Variants in ANO4 observed in about 807,000 individuals in gnomAD.
ANO4 encodes anoctamin-4.
ANO4 carries 69 observed loss-of-function variants against 141.9 expected under a neutral mutation model. The observed-to-expected ratio is 0.49, with a 90% confidence interval of 0.40 to 0.59. ANO4 has a LOEUF of 0.59. ANO4 is among the 20% of genes least tolerant of loss of function. The pLI is 0.00. For missense variants in ANO4, 894 were observed against 1,162.2 expected (o/e 0.77, Z 3.36); for synonymous variants, 350 against 394.3 (o/e 0.89, Z 1.33).
chr12:100,967,146 T>C (rs1419741007), intron 5 of ANO4, among the ~76,000 whole-genome samples: 3 of 152,148 alleles, frequency 2.0e-5, no homozygotes, highest in Non-Finnish European at 4.4e-5. Flanking sequence ...TCGTTAATTT[T>C]CTCAGTCATT....
chr12:100,812,453 AAT>A (rs2035497903), intron 1 of ANO4, among the ~76,000 whole-genome samples: 1 of 151,556 alleles, frequency 6.6e-6, no homozygotes. Flanking sequence ...ATAAAACTCC[AAT>A]ATGTTTGTAT....
intron 7 of ANO4, among the ~76,000 whole-genome samples, chr12:100,982,321 G>A (rs2044503888): frequency 6.6e-6 from 1 of 152,142 alleles, no homozygotes; most frequent in African/African-American, 2.4e-5. Context: ...ATTGGTGGAG[G>A]CTTCATTAAG....
chr12:101,089,007 TC>T (rs1234546519), intron 17 of ANO4, among the ~76,000 whole-genome samples: 1 of 152,120 alleles, frequency 6.6e-6, no homozygotes, highest in Non-Finnish European at 1.5e-5. Context: ...TAATTATAGT[TC>T]CCCTATCCTT....
rs570835272 is a variant in ANO4, at chr12:100,849,877, G to A, written c.-140-51769G>A. On this transcript the variant is annotated intron_variant, in intron 1 of 27. Coordinates refer to ENST00000392977, the MANE Select transcript of ANO4 (RefSeq NM_001286615.2). ...AAATACCTGGGACCTTGTGGGCTCCGGATCAATTGTTCTGTTAATTGTCAC... is the reference window on the plus strand; with the variant it reads ...AAATACCTGGGACCTTGTGGGCTCCAGATCAATTGTTCTGTTAATTGTCAC... 2.6e-5 allele frequency among the ~76,000 whole-genome samples: 4 copies of A among 152,016 alleles called. No individual in the cohort carries two copies. In the East Asian group the frequency reaches 5.8e-4, roughly 22 times the overall value.
rs569733726 is a variant in ANO4 at position 100,817,160 on chromosome 12, A to G, written c.-141+22133A>G. On this transcript the variant is annotated intron_variant, in intron 1 of 27. Coordinates refer to ENST00000392977, the MANE Select transcript of ANO4 (RefSeq NM_001286615.2). ...TTATATAATTCCTTAAGTATATGCTATGTAGATCTTTCAACATATATATTA... is the reference window on the plus strand; with the variant it reads ...TTATATAATTCCTTAAGTATATGCTGTGTAGATCTTTCAACATATATATTA... Among the ~76,000 whole-genome samples the G allele has an allele frequency of 2.2e-4, 34 of 151,788 alleles. 1 individual carries two copies. Among genetic ancestry groups the G allele is most frequent in the African/African-American group, 7.7e-4 (32 of 41,448 alleles).
At chr12:100,733,988 CA>C in intron 2 of ANO4, 1 of 579,218 alleles carries the variant, frequency 1.7e-6, no homozygotes, top group South Asian at 2.2e-5. Flanking sequence ...AGAATCAGAG[CA>C]ATTGCTTGTG....
At chr12:100,919,724 G>GTA (rs1566010389) in intron 2 of ANO4, among the ~76,000 whole-genome samples, 36 of 120,814 alleles carry the variant, frequency 3.0e-4, no homozygotes, top group African/African-American at 1.0e-3. Context: ...ATGTATGTAT[G>GTA]TGTGTATGTA....
intron 1 of ANO4, among the ~76,000 whole-genome samples, chr12:100,718,706 G>GT (rs2030723876): frequency 6.6e-6 from 1 of 152,114 alleles, no homozygotes; most frequent in East Asian, 1.9e-4. Flanking sequence ...CTGGTGGCCT[G>GT]TTTTTTCTTT....
chr12:100,898,808 C>G (rs918311715), intron 1 of ANO4, among the ~76,000 whole-genome samples: 1 of 152,174 alleles, frequency 6.6e-6, no homozygotes, highest in Non-Finnish European at 1.5e-5. Flanking sequence ...GGAGAGCAGT[C>G]TATTTCATAT....
At chr12:101,062,470 G>A (rs920077684) in intron 14 of ANO4, among the ~76,000 whole-genome samples, 1 of 152,218 alleles carries the variant, frequency 6.6e-6, no homozygotes, top group Non-Finnish European at 1.5e-5. Context: ...TACGTCTGCT[G>A]AAGCTGCCCC....
chr12:100,930,891 C>G (rs760436747), intron 3 of ANO4, among the ~76,000 whole-genome samples: 1 of 152,100 alleles, frequency 6.6e-6, no homozygotes, highest in Non-Finnish European at 1.5e-5. Flanking sequence ...GAGCCTTGCC[C>G]GCTCAGTTGT....
intron 8 of ANO4, among the ~76,000 whole-genome samples, chr12:101,007,816 C>T (rs1292617998): frequency 2.0e-5 from 3 of 152,130 alleles, no homozygotes; most frequent in Non-Finnish European, 4.4e-5. Flanking sequence ...AAATCCTGGG[C>T]TCAAGCAGTC....
chr12:101,045,657 G>C (rs920257063), intron 13 of ANO4, among the ~76,000 whole-genome samples: 3 of 152,128 alleles, frequency 2.0e-5, no homozygotes, highest in African/African-American at 7.2e-5. Flanking sequence ...ACTCCTACTG[G>C]CTTAGTCAGA....
At chr12:101,031,385 GC>G (rs1392591197) in intron 9 of ANO4, among the ~76,000 whole-genome samples, 1 of 152,030 alleles carries the variant, frequency 6.6e-6, no homozygotes, top group Non-Finnish European at 1.5e-5. Context: ...AAATTCAACA[GC>G]CCTTCATGCT....
At chr12:100,828,524 TA>T (rs1314005921) in intron 1 of ANO4, among the ~76,000 whole-genome samples, 1 of 152,190 alleles carries the variant, frequency 6.6e-6, no homozygotes, top group Non-Finnish European at 1.5e-5. Context: ...TATTTACACG[TA>T]TGAGTCCCTA....
Position 101,079,233 on chromosome 12 carries a change from A to G in ANO4, c.1353A>G (p.Val451=). The G allele has an allele frequency of 6.2e-7, 1 of 1,614,014 alleles. No individual in the cohort carries two copies. Among genetic ancestry groups the G allele is most frequent in the Non-Finnish European group, 8.5e-7 (1 of 1,179,940 alleles). The change falls in exon 15 of 28, where the codon GTA becomes GTG. Residue 451 remains valine, a synonymous_variant. Coordinates refer to ENST00000392977, the MANE Select transcript of ANO4 (RefSeq NM_001286615.2). ...FLEFWKRRRA[V]IAYDWDLIDW... is the part of the protein sequence containing the mutation. ...AGTTTTGGAAAAGACGGCGAGCAGT[A>G]ATTGCTTATGACTGGGATTTGATAG... is the stretch of plus-strand genomic sequence containing the variant.
rs140823781 is a variant in ANO4, at chr12:101,068,693, A to T, written c.1313-10500A>T. On this transcript the variant is annotated intron_variant, in intron 14 of 27. Coordinates refer to ENST00000392977, the MANE Select transcript of ANO4 (RefSeq NM_001286615.2). The stretch of plus-strand genomic sequence containing the variant: ...ATTAACTATTAGAGTAGGATCAAAG[A>T]TTCTTGTGTGAAAGCTGACAAAATG... 4.8e-4 allele frequency: 629 copies of T among 1,306,280 alleles called. No homozygotes were observed. In the African/African-American group the frequency reaches 8.1e-3, roughly 17 times the overall value. The allele number at this position is 1,306,280 out of a possible 1,614,324, so 80.9% of individuals were successfully genotyped here. A position where few individuals can be genotyped will look rare whatever the true frequency, so the allele number is the denominator to read the frequency against.
intron 8 of ANO4, among the ~76,000 whole-genome samples, chr12:100,998,701 C>G (rs147038372): frequency 1.3e-5 from 2 of 152,132 alleles, no homozygotes; most frequent in African/African-American, 2.4e-5. Flanking sequence ...GATTGTATGG[C>G]CACCTAAACA....
At chr12:101,103,183 TTATA>T (rs71091476) in intron 22 of ANO4, among the ~76,000 whole-genome samples, 39 of 18,588 alleles carry the variant, frequency 2.1e-3, no homozygotes, top group Middle Eastern at 0.036. Context: ...TTTAGTCATT[TTATA>T]TATATATATA....
Sources: gnomAD v4.1 joint callset for allele counts (sites outside exome capture counted in the v4.1 genomes callset) on GRCh38, gnomAD v4.1.1 for gene constraint, MANE v1.5 for transcripts, NCBI Gene and HGNC (gene_info 2026-07-23, HGNC 2026-07-21) for gene names.